TTC12: variants seen among roughly 807,000 people sequenced by gnomAD.
TTC12 encodes the protein tetratricopeptide repeat protein 12.
A neutral mutation model predicts 90.1 loss-of-function variants in TTC12; 70 were observed. The observed-to-expected ratio is 0.78, with a 90% CI of 0.64 to 0.95. The LOEUF is 0.95. Among genes scored for constraint, TTC12 ranks in the 40% least tolerant of loss-of-function variants. The pLI, the probability that TTC12 is intolerant of heterozygous loss-of-function variation, is 0.00. For missense variants in TTC12, 819 were observed against 846.1 expected, an observed-to-expected ratio of 0.97 and a Z score of 0.40; for synonymous variants, 296 against 311.5, an observed-to-expected ratio of 0.95 and a Z score of 0.53.
chr11:113,344,171 G>T, intron 12 of TTC12, 101 bp from the exon 13 acceptor site: 1 of 1,290,286 alleles, frequency 7.8e-7, no homozygotes, highest in South Asian at 1.4e-5. Flanking sequence ...GCCTTCAAAT[G>T]AGTGGGCACC....
At chr11:113,367,731 G>A (rs934652278), downstream of TTC12, among the ~76,000 whole-genome samples, 3 of 152,202 alleles carry the variant, frequency 2.0e-5, no homozygotes, top group East Asian at 1.9e-4. Flanking sequence ...GGGGGTGGGC[G>A]GTGGAAGAAA....
In TTC12 at chr11:113,363,873, A is replaced by G; in HGVS notation, c.1762A>G (p.Ile588Val). 7 of 1,613,932 alleles carry G rather than the reference A, an allele frequency of 4.3e-6. No homozygotes were observed. Among genetic ancestry groups the G allele is most frequent in the African/African-American group, 1.3e-5 (1 of 75,062 alleles). Residue 588 changes from isoleucine to valine, a missense_variant, in exon 20 of 22, where the codon ATC becomes GTC. Transcript: ENST00000529221. ...ACGTTATGCTATAAAGATACTAGCT[A>G]TCTGCACGAATAGTTATCATGAAGC... Reference protein sequence around the residue: ...ASRYAIKILAICTNSYHEARE... With the variant: ...ASRYAIKILAVCTNSYHEARE...
chr11:113,315,275 TTC>T (rs1257637056), intron 1 of TTC12: 1 of 152,144 alleles, frequency 6.6e-6, no homozygotes, highest in Non-Finnish European at 1.5e-5. Context: ...TCCTCGTAGT[TTC>T]TCTCTTACTG....
intron 6 of TTC12, among the ~76,000 whole-genome samples, chr11:113,328,652 C>T (rs1254538259): frequency 6.6e-6 from 1 of 152,038 alleles, no homozygotes; most frequent in Admixed American, 6.6e-5. Context: ...CCATACAGTT[C>T]ACCCTTTTAT....
downstream of TTC12, among the ~76,000 whole-genome samples, chr11:113,369,798 G>A (rs758658950): frequency 1.1e-3 from 161 of 152,226 alleles, no homozygotes; most frequent in Non-Finnish European, 1.0e-3. Flanking sequence ...TAGCATAGGT[G>A]ACTGACAGAT....
At chr11:113,353,865 C>T (rs551362513) in intron 16 of TTC12, among the ~76,000 whole-genome samples, 1 of 152,140 alleles carries the variant, frequency 6.6e-6, no homozygotes, top group Non-Finnish European at 1.5e-5. Context: ...GTTACTGTAG[C>T]CCTGTAGTAT....
rs548892109 is a variant in TTC12 at position 113,331,882 on chromosome 11, A to G, written c.504+1903A>G. Among the ~76,000 whole-genome samples, 25 of 150,558 alleles carry G rather than the reference A, an allele frequency of 1.7e-4. 2 individuals carry two copies. In the South Asian group the frequency reaches 5.0e-3, roughly 30 times the overall value. On this transcript the variant is annotated intron_variant, in intron 7 of 21. Transcript: ENST00000529221. ...TTGGGTAAACACTTGGAGAAATGAG[A>G]AAAAAAAATGTACAAAGAGTTCTAA...
intron 6 of TTC12, among the ~76,000 whole-genome samples, chr11:113,326,510 C>G (rs1947704501): frequency 6.6e-6 from 1 of 152,080 alleles, no homozygotes; most frequent in Admixed American, 6.6e-5. Context: ...CTCTAATTTC[C>G]CTAACTCGAG....
At chr11:113,315,810 A>G (rs1465302383) in intron 1 of TTC12, 1 of 153,792 alleles carries the variant, frequency 6.5e-6, no homozygotes, top group Non-Finnish European at 1.4e-5. Context: ...TTTAGATGCA[A>G]ATTGCCCCAA....
intron 15 of TTC12, 129 bp downstream of exon 15, chr11:113,351,428 G>A: frequency 1.3e-6 from 1 of 788,156 alleles, no homozygotes; most frequent in Non-Finnish European, 2.1e-6. Context: ...TTCACAGCTG[G>A]AATTTACACA....
rs117123762 is a variant in TTC12 at position 113,360,987 on chromosome 11, G to T, written c.1614+979G>T. ...CGTTTCCGGATGGTCCAGACCTAAA[G>T]GTGAGCCTACACTAGTGCCTGAGTA... is the stretch of plus-strand genomic sequence containing the variant. On this transcript the variant is annotated intron_variant, in intron 18 of 21. Coordinates refer to ENST00000529221, the MANE Select transcript of TTC12 (RefSeq NM_017868.4). Among the ~76,000 whole-genome samples the T allele has an allele frequency of 6.0e-4, 91 of 152,294 alleles. No individual in the cohort carries two copies. In the East Asian group the frequency reaches 0.016, roughly 27 times the overall value.
At chr11:113,321,462 A>G (rs1476053027) in intron 2 of TTC12, among the ~76,000 whole-genome samples, 1 of 152,232 alleles carries the variant, frequency 6.6e-6, no homozygotes, top group Non-Finnish European at 1.5e-5. Flanking sequence ...AATGGTTTAA[A>G]TGAATCAACT....
intron 16 of TTC12, among the ~76,000 whole-genome samples, chr11:113,355,462 G>T (rs907430357): frequency 5.9e-5 from 9 of 152,056 alleles, no homozygotes; most frequent in Non-Finnish European, 8.8e-5. Flanking sequence ...CTTCAGTTCA[G>T]CTCTGATTTT....
At chr11:113,335,606 G>A (rs1948324785) in intron 8 of TTC12, among the ~76,000 whole-genome samples, 2 of 151,972 alleles carry the variant, frequency 1.3e-5, no homozygotes, top group African/African-American at 2.4e-5. Flanking sequence ...CCATCTCAAC[G>A]TTAGGCAACC....
chr11:113,355,111 C>A (rs923198037), intron 16 of TTC12, among the ~76,000 whole-genome samples: 8 of 152,022 alleles, frequency 5.3e-5, no homozygotes, highest in African/African-American at 1.9e-4. Flanking sequence ...TTGGTAGGCT[C>A]TTTATTACTG....
chr11:113,344,159 C>T, intron 12 of TTC12, 113 bp from the exon 13 acceptor site: 1 of 1,203,284 alleles, frequency 8.3e-7, no homozygotes, highest in South Asian at 1.4e-5. Context: ...CTTCATTATT[C>T]TGCCTTCAAA....
chr11:113,344,870 TA>T (rs1948864489), intron 13 of TTC12, among the ~76,000 whole-genome samples: 1 of 152,234 alleles, frequency 6.6e-6, no homozygotes, highest in African/African-American at 2.4e-5. Flanking sequence ...GGAGTATGAA[TA>T]AATAAAACAT....
intron 16 of TTC12, among the ~76,000 whole-genome samples, 185 bp from the exon 17 acceptor site, chr11:113,359,178 T>G (rs1191794067): frequency 6.6e-6 from 1 of 151,860 alleles, no homozygotes; most frequent in African/African-American, 2.4e-5. Context: ...CAGAGACTCC[T>G]TCCAAGTCTC....
intron 1 of TTC12, chr11:113,314,893 C>A (rs1027780476): frequency 1.6e-5 from 2 of 128,510 alleles, no homozygotes; most frequent in Admixed American, 7.4e-5. Context: ...GCACAGGTCC[C>A]CGCTGCCGCA....
Sources: gnomAD v4.1 joint callset for allele counts (sites outside exome capture counted in the v4.1 genomes callset) on GRCh38, gnomAD v4.1.1 for gene constraint, MANE v1.5 for transcripts, NCBI Gene and HGNC (gene_info 2026-07-23, HGNC 2026-07-21) for gene names.